QTGAL: variants seen among roughly 807,000 people sequenced by gnomAD.
QTGAL encodes queuosine-tRNA galactosyltransferase, also known as BGnT-like protein 1.
chr17:83,020,611 G>C, the QTGAL span, among the ~76,000 whole-genome samples: 1 of 152,194 alleles, frequency 6.6e-6, no homozygotes, highest in African/African-American at 2.4e-5. Context: ...AGCTCACCAG[G>C]CCACCAGCCC....
the QTGAL span, among the ~76,000 whole-genome samples, chr17:82,998,910 C>G: frequency 6.6e-6 from 1 of 151,424 alleles, no homozygotes; most frequent in Non-Finnish European, 1.5e-5. Flanking sequence ...TTGAGAAATG[C>G]AAACTAAAAT....
At chr17:82,992,223 T>C in the QTGAL span, among the ~76,000 whole-genome samples, 1,844 of 152,200 alleles carry the variant, frequency 0.012, 43 homozygotes, top group African/African-American at 0.042. Flanking sequence ...CAAGCAGATT[T>C]AACCCAAAGA....
At chr17:82,942,304 G>A in the QTGAL span, 1 of 1,173,654 alleles carries the variant, frequency 8.5e-7, no homozygotes, top group Non-Finnish European at 1.2e-6. Flanking sequence ...AGCTCAGGCT[G>A]CCGGGTGTGT....
the QTGAL span, chr17:83,005,028 A>C: frequency 5.3e-6 from 6 of 1,130,762 alleles, no homozygotes; most frequent in Non-Finnish European, 7.6e-6. The surrounding 1 kb of genome is among the most constrained non-coding windows in gnomAD (Gnocchi z 5.6). Flanking sequence ...ACGACGACGC[A>C]GACACAAGAG....
the QTGAL span, among the ~76,000 whole-genome samples, chr17:83,002,749 A>G: frequency 3.9e-5 from 6 of 152,214 alleles, no homozygotes; most frequent in Admixed American, 2.0e-4. Context: ...CCTGTTGTCC[A>G]CATCGCATGC....
the QTGAL span, among the ~76,000 whole-genome samples, chr17:83,026,124 G>C: frequency 6.6e-6 from 1 of 152,344 alleles, no homozygotes; most frequent in South Asian, 2.1e-4. Flanking sequence ...CCGTGACCAG[G>C]AAGTGCAAAT....
chr17:82,959,627 T>C, the QTGAL span, among the ~76,000 whole-genome samples: 3 of 151,802 alleles, frequency 2.0e-5, no homozygotes, highest in African/African-American at 4.8e-5. Flanking sequence ...ATCCTCCTCA[T>C]CCACTGACAT....
chr17:82,969,405 C>T, the QTGAL span, among the ~76,000 whole-genome samples: 3 of 152,172 alleles, frequency 2.0e-5, no homozygotes, highest in South Asian at 2.1e-4. Flanking sequence ...GACAGGGTTT[C>T]GCTACGTTGC....
chr17:83,025,665 ACCGCGGAGAGTCCACACACACG>A, the QTGAL span, among the ~76,000 whole-genome samples: 2 of 152,000 alleles, frequency 1.3e-5, no homozygotes, highest in African/African-American at 4.8e-5. Flanking sequence ...ACACACGGAC[ACCGCGGAGAGTCCACACACACG>A]TAAGAAGAGC....
At chr17:83,028,064 T>C in the QTGAL span, among the ~76,000 whole-genome samples, 1 of 151,796 alleles carries the variant, frequency 6.6e-6, no homozygotes, top group African/African-American at 2.4e-5. Context: ...TGAGCCAAGA[T>C]CGCACCACTG....
At chr17:82,970,608 C>CGACCTCCCCACCCGGCGTGGCCGT in the QTGAL span, among the ~76,000 whole-genome samples, 1 of 29,740 alleles carries the variant, frequency 3.4e-5, no homozygotes, top group African/African-American at 1.5e-4. Flanking sequence ...GGCGTGGCCG[C>CGACCTCCCCACCCGGCGTGGCCGT]GACCTCCCCA....
the QTGAL span, chr17:82,947,305 CCAG>C: frequency 1.3e-4 from 44 of 343,824 alleles, no homozygotes; most frequent in South Asian, 7.9e-4. Flanking sequence ...TGCTGTTTGA[CCAG>C]GGCAGACCCA....
At chr17:82,987,561 T>C in the QTGAL span, among the ~76,000 whole-genome samples, 21 of 152,326 alleles carry the variant, frequency 1.4e-4, no homozygotes, top group Admixed American at 7.2e-4. Flanking sequence ...ACAAGATCCA[T>C]CAAAAACCAT....
At chr17:82,958,418 C>T in the QTGAL span, among the ~76,000 whole-genome samples, 1 of 152,228 alleles carries the variant, frequency 6.6e-6, no homozygotes, top group Non-Finnish European at 1.5e-5. Flanking sequence ...GGGCCAGACA[C>T]AACCAACACT....
the QTGAL span, chr17:83,049,308 C>G: frequency 1.3e-5 from 2 of 153,224 alleles, no homozygotes; most frequent in Admixed American, 6.5e-5. Context: ...TTGTTCCCAA[C>G]TCAATGGTAA....
chr17:83,046,310 T>C, the QTGAL span, among the ~76,000 whole-genome samples: 2 of 151,834 alleles, frequency 1.3e-5, no homozygotes, highest in Admixed American at 6.6e-5. Flanking sequence ...TTTTTTGTGG[T>C]ATTTTTAGTA....
At chr17:82,947,073 G>GACACAGGCCACC in the QTGAL span, 1 of 1,144,398 alleles carries the variant, frequency 8.7e-7, no homozygotes, top group South Asian at 1.4e-5. Flanking sequence ...GTTGGGGGTG[G>GACACAGGCCACC]CCTGTGTCCA....
chr17:82,972,400 CTAGAAGGA>C, the QTGAL span, among the ~76,000 whole-genome samples: 3 of 99,322 alleles, frequency 3.0e-5, no homozygotes, highest in African/African-American at 4.7e-5. Flanking sequence ...ACCACAGGGG[CTAGAAGGA>C]CCTGGTGCCG....
At chr17:82,983,541 G>A in the QTGAL span, among the ~76,000 whole-genome samples, 52 of 152,280 alleles carry the variant, frequency 3.4e-4, no homozygotes, top group Admixed American at 9.2e-4. Flanking sequence ...CAGAAACTAC[G>A]AAGAGTGGGT....
Sources: allele counts gnomAD v4.1 joint callset (sites outside exome capture counted in the v4.1 genomes callset), GRCh38; gene constraint gnomAD v4.1.1; non-coding constraint Gnocchi (gnomAD v3.1); transcripts MANE v1.5; gene names NCBI Gene and HGNC (gene_info 2026-07-23, HGNC 2026-07-21).